DCUN1D3: variants seen among roughly 807,000 people sequenced by gnomAD.
DCUN1D3 encodes defective in cullin neddylation 1 domain containing 3, also known as DCN1-like protein 3.
In DCUN1D3, 6 loss-of-function variants were observed where a neutral mutation model predicts 24.8. That is an observed-to-expected ratio of 0.24 (90% CI 0.13 to 0.48). DCUN1D3 has a LOEUF of 0.48. Among genes scored for constraint, DCUN1D3 ranks in the 20% least tolerant of loss-of-function variants. The pLI, the probability that DCUN1D3 is intolerant of heterozygous loss-of-function variation, is 0.99. For synonymous variants in DCUN1D3, 120 were observed against 144.9 expected (o/e 0.83, Z 1.24); for missense variants, 258 against 379.4 (o/e 0.68, Z 2.66).
chr16:20,880,809 G>A (rs765365458), intron 1 of DCUN1D3, among the ~76,000 whole-genome samples: 11 of 151,948 alleles, frequency 7.2e-5, no homozygotes, highest in Non-Finnish European at 1.0e-4. Flanking sequence ...GGTTTACTAC[G>A]TACCAGGCAT....
At chr16:20,871,218 G>T (rs1285517831) in intron 1 of DCUN1D3, among the ~76,000 whole-genome samples, 1 of 152,168 alleles carries the variant, frequency 6.6e-6, no homozygotes, top group Non-Finnish European at 1.5e-5. Context: ...AACGAGACCC[G>T]TCTGCTTCTA....
In DCUN1D3 at chr16:20,859,698, A is replaced by G; in HGVS notation, c.*188T>C. 1.3e-6 allele frequency: 1 copy of G among 763,472 alleles called. No homozygotes were observed. Among genetic ancestry groups the G allele is most frequent in the Non-Finnish European group, 1.9e-6 (1 of 521,542 alleles). 47.3% of individuals were successfully genotyped at this position (763,472 alleles called of 1,614,324 possible). On this transcript the variant is annotated 3_prime_UTR_variant, in exon 3 of 3. Transcript: ENST00000324344. Reference sequence around the variant, plus strand: ...ATCCCCCCAAAAAGGAAATAACCAAAATAACCAAAAAAATGAAGAAAGTGC... The same window carrying G: ...ATCCCCCCAAAAAGGAAATAACCAAGATAACCAAAAAAATGAAGAAAGTGC...
Position 20,859,106 on chromosome 16 carries a change from T to C in DCUN1D3, c.*780A>G, listed in dbSNP as rs2152515655. The C allele has an allele frequency of 6.5e-6, 1 of 152,766 alleles. No individual in the cohort carries two copies. The highest frequency in any genetic ancestry group is 2.4e-5 in the African/African-American group (1 of 41,586). The allele number at this position is 152,766 out of a possible 1,614,324, so 9.5% of individuals were successfully genotyped here. The stretch of plus-strand genomic sequence containing the variant: ...CATTCAATGCTTAAGTGGTTCTCAG[T>C]ACAATGTGTTCTTAAAAAATGCTCA... On this transcript the variant is annotated 3_prime_UTR_variant, in exon 3 of 3. Transcript: ENST00000324344.
chr16:20,860,505 T>C lies in DCUN1D3; in HGVS notation c.432-136A>G. 6.5e-6 allele frequency: 6 copies of C among 926,744 alleles called. 1 individual carries two copies. The highest frequency in any genetic ancestry group is 3.4e-4 in the Middle Eastern group (1 of 2,974). 57.4% of individuals were successfully genotyped at this position (926,744 alleles called of 1,614,324 possible). ...TCTAACTCCTCCAACTAATTAGTCC[T>C]ATTTCCTTACTTGTCAAATGGTAAA... On this transcript the variant is annotated intron_variant, in intron 2 of 2. Transcript: ENST00000324344. The surrounding 1 kb of genome is among the most constrained non-coding windows in gnomAD (Gnocchi z 4.3).
rs1331076097 is a variant in DCUN1D3, at chr16:20,860,159, G to T, written c.642C>A (p.Thr214=). ...IAIALWKLVF[T]QNNPPVLDQW... is the part of the protein sequence containing the mutation. ...GGTCCAATACCGGAGGATTGTTCTG[G>T]GTAAAGACTAGTTTCCACAGGGCAA... The change falls in exon 3 of 3, where the codon ACC becomes ACA. Residue 214 remains threonine, a synonymous_variant. Transcript: ENST00000324344. This position sits in a 1 kb window ranked among gnomAD's most constrained non-coding sequence, Gnocchi z 4.3. The T allele has an allele frequency of 1.2e-6, 2 of 1,614,222 alleles. No homozygotes were observed. Among genetic ancestry groups the T allele is most frequent in the South Asian group, 1.1e-5 (1 of 91,086 alleles).
At position 20,862,498 on chromosome 16, in the gene DCUN1D3, G is replaced by A; in HGVS notation, c.41C>T (p.Thr14Ile). 2 of 1,609,126 alleles carry A rather than the reference G, an allele frequency of 1.2e-6. No homozygotes were observed. The highest frequency in any genetic ancestry group is 1.7e-6 in the Non-Finnish European group (2 of 1,179,972). ...CVTKCKNPSS[T>I]LGSKNGDREP... ...ACGGTCTCCATTTTTGCTGCCCAGG[G>A]TCGATGAGGGATTCTTACACTTGGT... is the stretch of plus-strand genomic sequence containing the variant. Residue 14 changes from threonine to isoleucine, a missense_variant, in exon 2 of 3, where the codon ACC (threonine) becomes ATC (isoleucine). Thr to Ile is a moderately conservative substitution (Grantham distance 89, BLOSUM62 -1). Coordinates refer to ENST00000324344, the MANE Select transcript of DCUN1D3 (RefSeq NM_173475.4).
rs1233325846 is a variant in DCUN1D3 at position 20,856,134 on chromosome 16, T to A, written c.*3752A>T. 1 of 152,218 alleles carries A rather than the reference T, an allele frequency of 6.6e-6. No homozygotes were observed. The highest frequency in any genetic ancestry group is 1.5e-5 in the Non-Finnish European group (1 of 68,056). 9.4% of individuals were successfully genotyped at this position (152,218 alleles called of 1,614,324 possible). A position where few individuals can be genotyped will look rare whatever the true frequency, so the allele number is the denominator to read the frequency against. On this transcript the variant is annotated 3_prime_UTR_variant, in exon 3 of 3. Transcript: ENST00000324344. The stretch of plus-strand genomic sequence containing the variant: ...GCTGCACTGAAGACCTCATTTGGAA[T>A]CTGGCAAACCAAACATTCTTAAATA...
intron 2 of DCUN1D3, 94 bp downstream of exon 2, chr16:20,862,014 G>A: frequency 7.2e-7 from 1 of 1,388,478 alleles, no homozygotes; most frequent in Non-Finnish European, 9.9e-7. Flanking sequence ...ACCCTATGAA[G>A]CCAACCCAGT....
chr16:20,893,700 C>G (rs2081902604), intron 1 of DCUN1D3, among the ~76,000 whole-genome samples: 1 of 152,180 alleles, frequency 6.6e-6, no homozygotes, highest in Non-Finnish European at 1.5e-5. Flanking sequence ...GCGGAGAGGG[C>G]TCCTCAAAGC....
intron 1 of DCUN1D3, among the ~76,000 whole-genome samples, chr16:20,892,568 G>A (rs1294938522): frequency 1.3e-5 from 2 of 152,188 alleles, no homozygotes; most frequent in East Asian, 3.8e-4. Context: ...CATGTCCATG[G>A]TGGTTATTTC....
rs183998122 is a variant in DCUN1D3, at chr16:20,862,556, C to T, written c.-18G>A. 1.9e-6 allele frequency: 3 copies of T among 1,589,974 alleles called. No individual in the cohort carries two copies. Among genetic ancestry groups the T allele is most frequent in the Admixed American group, 1.7e-5 (1 of 59,238 alleles). ...TGGCCCATGGTGCTGGTGGCCTGGC[C>T]TCTAGAGTGGACCCCTCTGGATTGG... is the stretch of plus-strand genomic sequence containing the variant. On this transcript the variant is annotated 5_prime_UTR_variant, in exon 2 of 3. Coordinates refer to ENST00000324344, the MANE Select transcript of DCUN1D3 (RefSeq NM_173475.4).
In DCUN1D3 at chr16:20,858,524, A is replaced by G. The variant is rs557086730; in HGVS notation, c.*1362T>C. 3.4e-5 allele frequency: 5 copies of G among 146,908 alleles called. No individual in the cohort carries two copies. The highest frequency in any genetic ancestry group is 6.8e-5 in the Admixed American group (1 of 14,652). The allele number at this position is 146,908 out of a possible 1,614,324, so 9.1% of individuals were successfully genotyped here. A position where few individuals can be genotyped will look rare whatever the true frequency, so the allele number is the denominator to read the frequency against. ...AAGGAATATAGATACATATATGTGTATATATATATATTTTATATAGGTAAA... is the reference window on the plus strand; with the variant it reads ...AAGGAATATAGATACATATATGTGTGTATATATATATTTTATATAGGTAAA... On this transcript the variant is annotated 3_prime_UTR_variant, in exon 3 of 3. Coordinates refer to ENST00000324344, the MANE Select transcript of DCUN1D3 (RefSeq NM_173475.4).
intron 1 of DCUN1D3, among the ~76,000 whole-genome samples, chr16:20,891,779 T>C (rs773241889): frequency 1.3e-5 from 2 of 152,218 alleles, no homozygotes; most frequent in Non-Finnish European, 2.9e-5. Flanking sequence ...AGAAATATGC[T>C]TTCCAGTTGG....
intron 1 of DCUN1D3, among the ~76,000 whole-genome samples, chr16:20,882,952 T>TC (rs2081851735): frequency 6.6e-6 from 1 of 152,088 alleles, no homozygotes; most frequent in Non-Finnish European, 1.5e-5. Context: ...GTCTGGTTCT[T>TC]CTTAGGGAGA....
chr16:20,894,719 G>C (rs2081907535), intron 1 of DCUN1D3, among the ~76,000 whole-genome samples: 1 of 152,190 alleles, frequency 6.6e-6, no homozygotes. Flanking sequence ...TCCAGGCTCT[G>C]GGCACAGGTG....
At chr16:20,886,124 T>C (rs1354778614) in intron 1 of DCUN1D3, among the ~76,000 whole-genome samples, 2 of 151,318 alleles carry the variant, frequency 1.3e-5, no homozygotes, top group Non-Finnish European at 2.9e-5. Flanking sequence ...CTACATAACC[T>C]ACTTGTGGGT....
At chr16:20,899,100 G>A (rs192896162) in intron 1 of DCUN1D3, among the ~76,000 whole-genome samples, 2 of 152,362 alleles carry the variant, frequency 1.3e-5, no homozygotes, top group East Asian at 3.8e-4. Context: ...CTGATGATTT[G>A]TGTGTCACAC....
rs2081720743 is a variant in DCUN1D3, at chr16:20,859,690, A to C, written c.*196T>G. 6 of 653,070 alleles carry C rather than the reference A, an allele frequency of 9.2e-6. No homozygotes were observed. Among genetic ancestry groups the C allele is most frequent in the Non-Finnish European group, 1.4e-5 (6 of 422,986 alleles). The allele number at this position is 653,070 out of a possible 1,614,324, so 40.5% of individuals were successfully genotyped here. ...TCTGGGAGATCCCCCCAAAAAGGAAATAACCAAAATAACCAAAAAAATGAA... is the reference window on the plus strand; with the variant it reads ...TCTGGGAGATCCCCCCAAAAAGGAACTAACCAAAATAACCAAAAAAATGAA... On this transcript the variant is annotated 3_prime_UTR_variant, in exon 3 of 3. Coordinates refer to ENST00000324344, the MANE Select transcript of DCUN1D3 (RefSeq NM_173475.4).
intron 1 of DCUN1D3, among the ~76,000 whole-genome samples, chr16:20,898,815 A>G (rs934577756): frequency 1.3e-5 from 2 of 152,262 alleles, no homozygotes; most frequent in East Asian, 1.9e-4. Context: ...AGATTTCCGA[A>G]GAATGTATCA....
Sources: gnomAD v4.1 joint callset for allele counts (sites outside exome capture counted in the v4.1 genomes callset) on GRCh38, gnomAD v4.1.1 for gene constraint, Gnocchi (gnomAD v3.1) non-coding constraint, MANE v1.5 for transcripts, NCBI Gene and HGNC (gene_info 2026-07-23, HGNC 2026-07-21) for gene names.